SFMBT2: variants seen among roughly 807,000 people sequenced by gnomAD.
SFMBT2 encodes scm-like with four MBT domains protein 2.
SFMBT2 carries 38 observed loss-of-function variants against 110.1 expected under a neutral mutation model. That is an observed-to-expected ratio of 0.35 (90% CI 0.27 to 0.45). The LOEUF is 0.45. SFMBT2 is among the 20% of genes least tolerant of loss of function. SFMBT2 has a pLI of 1.00. For missense variants in SFMBT2, 1,011 were observed against 1,094.9 expected, an observed-to-expected ratio of 0.92 and a Z score of 1.08; for synonymous variants, 425 against 425.4, an observed-to-expected ratio of 1.00 and a Z score of 0.01.
At chr10:7,217,624 A>G (rs1338239511) in intron 11 of SFMBT2, among the ~76,000 whole-genome samples, 1 of 152,200 alleles carries the variant, frequency 6.6e-6, no homozygotes, top group Non-Finnish European at 1.5e-5. Flanking sequence ...GAACTGCTGG[A>G]CCAATGTATT....
In SFMBT2 at chr10:7,300,333, C is replaced by T. The variant is rs530807119; in HGVS notation, c.437-14379G>A. On this transcript the variant is annotated intron_variant, in intron 4 of 20. Transcript: ENST00000397167. The stretch of plus-strand genomic sequence containing the variant: ...AAGAACAAATAAAAATTAAAAGAGA[C>T]TAAGCAGGCTACACTCACACTGAGT... 1.3e-4 allele frequency among the ~76,000 whole-genome samples: 19 copies of T among 151,634 alleles called. No individual in the cohort carries two copies. The East Asian group carries it at 3.7e-3, about 29-fold the overall frequency.
At chr10:7,410,529 C>G (rs979598034) in intron 1 of SFMBT2, among the ~76,000 whole-genome samples, 1 of 152,154 alleles carries the variant, frequency 6.6e-6, no homozygotes, top group Non-Finnish European at 1.5e-5. Context: ...CGGACTCCCG[C>G]ACGGCTCGGC....
At position 7,316,380 on chromosome 10, in the gene SFMBT2, G is replaced by A. The variant is rs149944059; in HGVS notation, c.437-30426C>T. On this transcript the variant is annotated intron_variant, in intron 4 of 20. Transcript: ENST00000397167. Reference sequence around the variant, plus strand: ...AGCCATATGAGCAGGCAGGTGAGGGGCTGGGTGGAGGCTGGTGGGCCCAGC... The same window carrying A: ...AGCCATATGAGCAGGCAGGTGAGGGACTGGGTGGAGGCTGGTGGGCCCAGC... 4.7e-3 allele frequency among the ~76,000 whole-genome samples: 709 copies of A among 152,280 alleles called. 8 individuals carry two copies. Among genetic ancestry groups the A allele is most frequent in the African/African-American group, 0.015 (623 of 41,556 alleles).
chr10:7,187,307 C>CACT (rs1203687370), intron 16 of SFMBT2, among the ~76,000 whole-genome samples: 1 of 152,146 alleles, frequency 6.6e-6, no homozygotes, highest in Non-Finnish European at 1.5e-5. Context: ...TTTCTGCCCC[C>CACT]ACTACTACTA....
At chr10:7,373,758 G>T (rs1418745581) in intron 2 of SFMBT2, among the ~76,000 whole-genome samples, 1 of 152,174 alleles carries the variant, frequency 6.6e-6, no homozygotes, top group Non-Finnish European at 1.5e-5. Flanking sequence ...GAAGACACAG[G>T]AAGCCGTGGC....
intron 4 of SFMBT2, among the ~76,000 whole-genome samples, chr10:7,328,657 G>A (rs1356590518): frequency 6.6e-6 from 1 of 152,282 alleles, no homozygotes; most frequent in African/African-American, 2.4e-5. Context: ...TTGGCACATG[G>A]CTGTCCCACT....
chr10:7,360,697 G>C (rs1844688757), intron 4 of SFMBT2, among the ~76,000 whole-genome samples: 1 of 152,138 alleles, frequency 6.6e-6, no homozygotes, highest in African/African-American at 2.4e-5. Flanking sequence ...TACACCAAAA[G>C]TTACAAACAC....
intron 10 of SFMBT2, among the ~76,000 whole-genome samples, chr10:7,221,150 T>G (rs1317164189): frequency 2.0e-5 from 3 of 152,048 alleles, no homozygotes; most frequent in Non-Finnish European, 4.4e-5. Flanking sequence ...ATGGGATCAC[T>G]GAAGTACACA....
chr10:7,363,597 C>T (rs1178471486), intron 4 of SFMBT2, among the ~76,000 whole-genome samples: 1 of 152,178 alleles, frequency 6.6e-6, no homozygotes, highest in Non-Finnish European at 1.5e-5. Flanking sequence ...CCGCCCGCAT[C>T]GGCCTCCCAA....
In SFMBT2 at chr10:7,267,811, A is replaced by G. The variant is rs1841443931; in HGVS notation, c.870+9081T>C. Among the ~76,000 whole-genome samples, 3 of 152,250 alleles carry G rather than the reference A, an allele frequency of 2.0e-5. No homozygotes were observed. In the South Asian group the frequency reaches 6.2e-4, roughly 31 times the overall value. On this transcript the variant is annotated intron_variant, in intron 7 of 20. Coordinates refer to ENST00000397167, the MANE Select transcript of SFMBT2 (RefSeq NM_001387889.1). ...TTTCCCTTCTTTAAAGGATAAAAAA[A>G]GGATCATAGATGTTAGTGACATTTC...
chr10:7,191,010 G>A lies in SFMBT2; in HGVS notation c.1699-2277C>T, dbSNP rs145042325. 3.7e-3 allele frequency among the ~76,000 whole-genome samples: 558 copies of A among 152,176 alleles called. 1 individual carries two copies. The highest frequency in any genetic ancestry group is 6.1e-3 in the Non-Finnish European group (417 of 68,004). ...CTTTTTGCTTGGCTCCCATTCTCTC[G>A]TCTGCTGCCATGTAAGACGTGCCTT... On this transcript the variant is annotated intron_variant, in intron 15 of 20. Transcript: ENST00000397167.
intron 1 of SFMBT2, among the ~76,000 whole-genome samples, chr10:7,385,252 C>T (rs865981850): frequency 1.3e-4 from 20 of 152,266 alleles, no homozygotes; most frequent in African/African-American, 4.3e-4. Context: ...TGTAAGGAAG[C>T]GCGGTTATGA....
intron 10 of SFMBT2, among the ~76,000 whole-genome samples, chr10:7,220,826 C>CT (rs372894766): frequency 1.5e-4 from 22 of 146,344 alleles, no homozygotes; most frequent in African/African-American, 3.3e-4. Context: ...ACCCTTCCTT[C>CT]TTTTTTTTTT....
chr10:7,203,717 CT>C (rs796989516), intron 12 of SFMBT2: 442 of 959,198 alleles, frequency 4.6e-4, no homozygotes, highest in Non-Finnish European at 4.9e-4. Context: ...GAATCTGCAG[CT>C]TTTTTTTTGT....
At position 7,248,589 on chromosome 10, in the gene SFMBT2, T is replaced by C; in HGVS notation, c.931A>G (p.Met311Val). Residue 311 changes from methionine to valine, a missense_variant, in exon 8 of 21, where the codon ATG becomes GTG. Coordinates refer to ENST00000397167, the MANE Select transcript of SFMBT2 (RefSeq NM_001387889.1). The part of the protein sequence containing the change: ...TVGMKLETVN[M>V]CEPFYISPAS... ...GGAGAGATGTAAAAGGGCTCGCACA[T>C]ATTCACTGTCTCAAGCTTCATCCCA... The C allele has an allele frequency of 6.2e-7, 1 of 1,614,152 alleles. No homozygotes were observed. Among genetic ancestry groups the C allele is most frequent in the Non-Finnish European group, 8.5e-7 (1 of 1,180,024 alleles).
intron 11 of SFMBT2, among the ~76,000 whole-genome samples, chr10:7,214,141 C>T (rs545491594): frequency 2.0e-4 from 30 of 152,124 alleles, no homozygotes; most frequent in Admixed American, 7.9e-4. Context: ...GAAAACATCA[C>T]GAGTAAAAAG....
rs140015564 is a variant in SFMBT2 at position 7,304,068 on chromosome 10, G to A, written c.437-18114C>T. Among the ~76,000 whole-genome samples, 1,092 of 152,284 alleles carry A rather than the reference G, an allele frequency of 7.2e-3. 6 individuals are homozygous for A. The highest frequency in any genetic ancestry group is 0.011 in the Non-Finnish European group (776 of 68,038). ...CACGGAGATGGGTCTTCAGCACAGGGAGCAGAGAAACAGAATGAACCCAAG... is the reference window on the plus strand; with the variant it reads ...CACGGAGATGGGTCTTCAGCACAGGAAGCAGAGAAACAGAATGAACCCAAG... On this transcript the variant is annotated intron_variant, in intron 4 of 20. Transcript: ENST00000397167.
intron 4 of SFMBT2, among the ~76,000 whole-genome samples, chr10:7,288,963 A>G (rs1842185257): frequency 6.6e-6 from 1 of 151,080 alleles, no homozygotes; most frequent in South Asian, 2.1e-4. Flanking sequence ...ACTGCACTCT[A>G]GCCTGGGCGA....
intron 4 of SFMBT2, among the ~76,000 whole-genome samples, chr10:7,321,347 G>A (rs551221853): frequency 3.3e-5 from 5 of 152,126 alleles, no homozygotes; most frequent in South Asian, 2.1e-4. Context: ...GACTACAGGC[G>A]CCCGCCAACA....
Sources: allele counts gnomAD v4.1 joint callset (sites outside exome capture counted in the v4.1 genomes callset), GRCh38; gene constraint gnomAD v4.1.1; transcripts MANE v1.5; gene names NCBI Gene and HGNC (gene_info 2026-07-23, HGNC 2026-07-21).